NSMCE2: variants seen among roughly 807,000 people sequenced by gnomAD.
The protein encoded by NSMCE2 is E3 SUMO-protein ligase NSE2.
NSMCE2 carries 24 observed loss-of-function variants against 23.8 expected under a neutral mutation model. That is an observed-to-expected ratio of 1.01 (90% confidence interval 0.73 to 1.42). The LOEUF is 1.42. Ranked by LOEUF, NSMCE2 falls within the 40% of genes most tolerant of loss-of-function variation. The pLI is 0.00. For synonymous variants in NSMCE2, 92 were observed against 94.1 expected (o/e 0.98, Z 0.13); for missense variants, 284 against 296.5 (o/e 0.96, Z 0.31).
chr8:125,341,964 A>G (rs1470777555), intron 5 of NSMCE2, among the ~76,000 whole-genome samples: 2 of 151,108 alleles, frequency 1.3e-5, no homozygotes, highest in African/African-American at 4.9e-5. Context: ...TGGGGGAAAC[A>G]GCCACACAAA....
At chr8:125,140,742 C>T (rs1171775005) in intron 3 of NSMCE2, among the ~76,000 whole-genome samples, 3 of 152,148 alleles carry the variant, frequency 2.0e-5, no homozygotes, top group Non-Finnish European at 4.4e-5. Flanking sequence ...CAAAGCCAGA[C>T]TCTGTTTCTT....
At chr8:125,176,611 G>C (rs868177054) in intron 4 of NSMCE2, among the ~76,000 whole-genome samples, 1 of 152,256 alleles carries the variant, frequency 6.6e-6, no homozygotes, top group African/African-American at 2.4e-5. Context: ...CTGGAGATAT[G>C]TATAGATAGA....
intron 3 of NSMCE2, among the ~76,000 whole-genome samples, chr8:125,123,071 G>C (rs555993261): frequency 6.6e-6 from 1 of 152,188 alleles, no homozygotes; most frequent in South Asian, 2.1e-4. Context: ...AATATAAAGT[G>C]ATACCTGAAA....
At chr8:125,246,106 A>G (rs540327884) in intron 5 of NSMCE2, among the ~76,000 whole-genome samples, 1 of 152,312 alleles carries the variant, frequency 6.6e-6, no homozygotes, top group East Asian at 1.9e-4. Context: ...TTTGAAAAGT[A>G]ATATTTTTAA....
intron 5 of NSMCE2, among the ~76,000 whole-genome samples, chr8:125,198,973 G>A (rs979107303): frequency 3.9e-5 from 6 of 152,106 alleles, no homozygotes; most frequent in Non-Finnish European, 7.4e-5. Context: ...GTTTATTTGT[G>A]TAGAGGTGTT....
In NSMCE2 at chr8:125,102,116, A is replaced by T. The variant is rs953041114; in HGVS notation, c.-45A>T. 3 of 490,392 alleles carry T rather than the reference A, an allele frequency of 6.1e-6. No individual in the cohort carries two copies. The highest frequency in any genetic ancestry group is 3.3e-5 in the Admixed American group (1 of 30,242). 30.4% of individuals were successfully genotyped at this position (490,392 alleles called of 1,614,324 possible). A position where few individuals can be genotyped will look rare whatever the true frequency, so the allele number is the denominator to read the frequency against. On this transcript the variant is annotated 5_prime_UTR_variant, in exon 2 of 8. Transcript: ENST00000287437. ...AACTGAGGACACTTACCTTCCCCAT[A>T]TATTGAGTCCAGCTGTGTTTGGTGG...
chr8:125,267,953 G>A (rs756576515), intron 5 of NSMCE2, among the ~76,000 whole-genome samples: 2 of 152,144 alleles, frequency 1.3e-5, no homozygotes, highest in South Asian at 4.2e-4. Flanking sequence ...TTTTGGCTGG[G>A]TGTGGTGGCT....
chr8:125,247,288 A>G (rs1251736325), intron 5 of NSMCE2, among the ~76,000 whole-genome samples: 1 of 152,042 alleles, frequency 6.6e-6, no homozygotes, highest in South Asian at 2.1e-4. Context: ...AGCCGTGTTC[A>G]TGCCACTGCA....
intron 4 of NSMCE2, among the ~76,000 whole-genome samples, chr8:125,158,256 A>G (rs1821426385): frequency 6.6e-6 from 1 of 152,206 alleles, no homozygotes; most frequent in African/African-American, 2.4e-5. Flanking sequence ...AGGTCAGGAA[A>G]GGGCCAGGCC....
At chr8:125,332,681 C>A (rs557458589) in intron 5 of NSMCE2, among the ~76,000 whole-genome samples, 2 of 152,226 alleles carry the variant, frequency 1.3e-5, no homozygotes, top group Admixed American at 1.3e-4. Flanking sequence ...GCTTTGTACA[C>A]TGCTATAGCA....
chr8:125,263,719 C>T (rs564297593), intron 5 of NSMCE2, among the ~76,000 whole-genome samples: 25 of 151,122 alleles, frequency 1.7e-4, no homozygotes, highest in African/African-American at 5.4e-4. Context: ...CACTGCACAC[C>T]AGCCTCCGTG....
intron 5 of NSMCE2, among the ~76,000 whole-genome samples, chr8:125,331,278 T>C (rs7010394): frequency 0.44 from 66,782 of 151,946 alleles, 16,944 homozygotes; most frequent in East Asian, 0.55. Context: ...CCAGCCTGGG[T>C]GACAGAGCGA....
intron 5 of NSMCE2, among the ~76,000 whole-genome samples, chr8:125,289,254 T>C (rs1717502745): frequency 6.6e-6 from 1 of 152,178 alleles, no homozygotes; most frequent in African/African-American, 2.4e-5. Flanking sequence ...AGGAAAAATA[T>C]AGGCAGTTAT....
intron 5 of NSMCE2, among the ~76,000 whole-genome samples, chr8:125,231,027 A>G (rs1397806195): frequency 6.6e-6 from 1 of 152,182 alleles, no homozygotes; most frequent in Non-Finnish European, 1.5e-5. Flanking sequence ...TTGATTAAAA[A>G]TTCTAGTATC....
At chr8:125,293,215 C>A (rs949535631) in intron 5 of NSMCE2, among the ~76,000 whole-genome samples, 1 of 152,170 alleles carries the variant, frequency 6.6e-6, no homozygotes, top group African/African-American at 2.4e-5. Flanking sequence ...GATGCTGCCC[C>A]ACCTTGCACT....
intron 5 of NSMCE2, among the ~76,000 whole-genome samples, chr8:125,187,266 A>G (rs1823148712): frequency 6.6e-6 from 1 of 152,226 alleles, no homozygotes; most frequent in South Asian, 2.1e-4. Context: ...GATAACTTCT[A>G]CACTTCTAGA....
At position 125,202,321 on chromosome 8, in the gene NSMCE2, G is replaced by A. The variant is rs560807112; in HGVS notation, c.418+20065G>A. Reference sequence around the variant, plus strand: ...TCGATCACGCTGGGAGCTGCAGACCGGAGCTGTTCCTATTCAGCCATCTTG... The same window carrying A: ...TCGATCACGCTGGGAGCTGCAGACCAGAGCTGTTCCTATTCAGCCATCTTG... On this transcript the variant is annotated intron_variant, in intron 5 of 7. Transcript: ENST00000287437. Among the ~76,000 whole-genome samples, 5 of 152,312 alleles carry A rather than the reference G, an allele frequency of 3.3e-5. No individual in the cohort carries two copies. In the East Asian group the frequency reaches 7.7e-4, roughly 24 times the overall value.
At chr8:125,208,638 TTGAG>T (rs1243509792) in intron 5 of NSMCE2, among the ~76,000 whole-genome samples, 1 of 152,208 alleles carries the variant, frequency 6.6e-6, no homozygotes, top group Non-Finnish European at 1.5e-5. Context: ...AGACAAATGA[TTGAG>T]TGCCAGCGTA....
chr8:125,306,806 T>C (rs1461526984), intron 5 of NSMCE2, among the ~76,000 whole-genome samples: 1 of 152,216 alleles, frequency 6.6e-6, no homozygotes, highest in African/African-American at 2.4e-5. Context: ...CACCAATTGC[T>C]AACTGTGTGA....
Sources: allele counts gnomAD v4.1 joint callset (sites outside exome capture counted in the v4.1 genomes callset), GRCh38; gene constraint gnomAD v4.1.1; transcripts MANE v1.5; gene names NCBI Gene and HGNC (gene_info 2026-07-23, HGNC 2026-07-21).